The following AGMO variants were observed in gnomAD, a reference collection of about 807,000 sequenced individuals.
The protein encoded by AGMO is glyceryl-ether monooxygenase.
In AGMO, 75 loss-of-function variants were observed where a neutral mutation model predicts 60.2. The observed-to-expected ratio is 1.25, with a 90% CI of 1.03 to 1.51. The LOEUF (loss-of-function observed/expected upper bound fraction) is 1.51, where lower values mean the gene tolerates loss of function less well. AGMO is among the 40% of genes most tolerant of loss of function. AGMO has a pLI of 0.00. For missense variants in AGMO, 763 were observed against 525.5 expected, an observed-to-expected ratio of 1.45 and a Z score of -4.42; for synonymous variants, 261 against 177.1, an observed-to-expected ratio of 1.47 and a Z score of -3.76.
intron 12 of AGMO, among the ~76,000 whole-genome samples, chr7:15,268,712 G>A (rs1029055084): frequency 5.3e-5 from 8 of 151,876 alleles, no homozygotes; most frequent in East Asian, 3.9e-4. Context: ...AAAAAAAGAT[G>A]GGTAATATTA....
intron 3 of AGMO, among the ~76,000 whole-genome samples, chr7:15,538,826 G>A (rs1295649200): frequency 6.6e-6 from 1 of 152,050 alleles, no homozygotes; most frequent in East Asian, 1.9e-4. Context: ...CATATACAGG[G>A]GTTCACTTAA....
Position 15,426,682 on chromosome 7 carries a change from G to A in AGMO, c.513+4323C>T, listed in dbSNP as rs554121459. On this transcript the variant is annotated intron_variant, in intron 4 of 12. Coordinates refer to ENST00000342526, the MANE Select transcript of AGMO (RefSeq NM_001004320.2). ...AAGAATCGCTTGAACCCAGGAGGTG[G>A]AGGTTGCAGTGGGCTGAGACACACC... is the stretch of plus-strand genomic sequence containing the variant. 4.6e-5 allele frequency among the ~76,000 whole-genome samples: 7 copies of A among 152,270 alleles called. No homozygotes were observed. The East Asian group carries it at 1.4e-3, about 29-fold the overall frequency.
At chr7:15,506,450 G>A (rs1043474011) in intron 3 of AGMO, among the ~76,000 whole-genome samples, 19 of 152,024 alleles carry the variant, frequency 1.2e-4, no homozygotes, top group East Asian at 3.9e-4. Flanking sequence ...ACTAACATTC[G>A]TTTGTCTTTA....
intron 10 of AGMO, among the ~76,000 whole-genome samples, chr7:15,379,342 A>G (rs1178928972): frequency 6.6e-6 from 1 of 152,098 alleles, no homozygotes; most frequent in Non-Finnish European, 1.5e-5. Flanking sequence ...TTTTGGGGAA[A>G]ACATTAATCA....
intron 12 of AGMO, among the ~76,000 whole-genome samples, chr7:15,269,459 C>T (rs1016437946): frequency 6.6e-6 from 1 of 151,896 alleles, no homozygotes; most frequent in African/African-American, 2.4e-5. Flanking sequence ...ATGAGGATAC[C>T]AAACTCAAGT....
chr7:15,507,978 T>G (rs1783564122), intron 3 of AGMO, among the ~76,000 whole-genome samples: 1 of 152,178 alleles, frequency 6.6e-6, no homozygotes, highest in East Asian at 1.9e-4. Context: ...CTTTTGTCAT[T>G]GTTAAAAATG....
intron 12 of AGMO, among the ~76,000 whole-genome samples, chr7:15,266,365 T>C (rs1476361890): frequency 6.6e-6 from 1 of 151,916 alleles, no homozygotes; most frequent in Admixed American, 6.6e-5. Context: ...AAGATGGTAT[T>C]TTTATGATAT....
intron 4 of AGMO, among the ~76,000 whole-genome samples, chr7:15,430,679 A>G (rs2128498169): frequency 6.6e-6 from 1 of 150,844 alleles, no homozygotes; most frequent in East Asian, 1.9e-4. Context: ...TCCTTGTTAC[A>G]TATATTTAAA....
chr7:15,482,301 A>G (rs1192233499), intron 3 of AGMO, among the ~76,000 whole-genome samples: 1 of 152,110 alleles, frequency 6.6e-6, no homozygotes, highest in Non-Finnish European at 1.5e-5. Context: ...GATACACATT[A>G]CCTATAACAG....
intron 3 of AGMO, among the ~76,000 whole-genome samples, chr7:15,439,077 T>C (rs2128501113): frequency 6.6e-6 from 1 of 152,252 alleles, no homozygotes; most frequent in East Asian, 1.9e-4. Context: ...CCTTCCAAAA[T>C]TACTGCTTCA....
chr7:15,247,352 T>G (rs933434658), intron 12 of AGMO, among the ~76,000 whole-genome samples: 3 of 150,682 alleles, frequency 2.0e-5, no homozygotes, highest in Admixed American at 6.6e-5. Context: ...AGATAAAATA[T>G]GATAAAACAA....
the AGMO span, among the ~76,000 whole-genome samples, chr7:15,187,906 C>CCCA: frequency 3.4e-5 from 5 of 148,334 alleles, no homozygotes; most frequent in African/African-American, 1.2e-4. Context: ...AACTCCCCCC[C>CCCA]GACTGCCCAT....
At chr7:15,125,049 G>C in the AGMO span, among the ~76,000 whole-genome samples, 1 of 150,362 alleles carries the variant, frequency 6.7e-6, no homozygotes, top group Non-Finnish European at 1.5e-5. Flanking sequence ...TTTTGGAATG[G>C]GATGCCTTCA....
chr7:15,173,153 A>G, the AGMO span, among the ~76,000 whole-genome samples: 1,007 of 152,298 alleles, frequency 6.6e-3, 12 homozygotes, highest in African/African-American at 0.023. Context: ...AAGTAAATCT[A>G]TTGAATATAT....
In AGMO at chr7:15,528,903, C is replaced by T. The variant is rs148176855; in HGVS notation, c.409+15869G>A. 3.6e-3 allele frequency among the ~76,000 whole-genome samples: 550 copies of T among 152,218 alleles called. 4 individuals carry two copies. Among genetic ancestry groups the T allele is most frequent in the African/African-American group, 0.012 (506 of 41,538 alleles). ...CCTCAGGTGATCCGCTTGCCTCAGC[C>T]TCCCAAAGCACTGGGATTAGAGGCA... is the stretch of plus-strand genomic sequence containing the variant. On this transcript the variant is annotated intron_variant, in intron 3 of 12. Coordinates refer to ENST00000342526, the MANE Select transcript of AGMO (RefSeq NM_001004320.2).
chr7:15,328,921 T>TAGAG (rs1781422714), intron 12 of AGMO, among the ~76,000 whole-genome samples: 1 of 152,156 alleles, frequency 6.6e-6, no homozygotes, highest in Non-Finnish European at 1.5e-5. Flanking sequence ...TACCAGGTCT[T>TAGAG]GGAAGCATCC....
At chr7:15,342,381 A>C (rs761550301) in intron 12 of AGMO, among the ~76,000 whole-genome samples, 5 of 151,958 alleles carry the variant, frequency 3.3e-5, no homozygotes, top group Non-Finnish European at 7.4e-5. Context: ...ATGAATTCAT[A>C]AGTGTCTTCC....
At chr7:15,146,794 A>G in the AGMO span, among the ~76,000 whole-genome samples, 2 of 152,200 alleles carry the variant, frequency 1.3e-5, no homozygotes, top group African/African-American at 4.8e-5. Context: ...TGCATTCATG[A>G]TCATGGCATC....
downstream of AGMO, among the ~76,000 whole-genome samples, chr7:15,198,791 G>A (rs376677296): frequency 3.9e-5 from 6 of 152,248 alleles, no homozygotes; most frequent in South Asian, 8.3e-4. Context: ...ATCCATCTGG[G>A]TGGTGCCAGC....
Sources: allele counts gnomAD v4.1 joint callset (sites outside exome capture counted in the v4.1 genomes callset), GRCh38; gene constraint gnomAD v4.1.1; transcripts MANE v1.5; gene names NCBI Gene and HGNC (gene_info 2026-07-23, HGNC 2026-07-21).